Variants in CSNK1G1 observed in about 807,000 individuals in gnomAD.
CSNK1G1 encodes the protein casein kinase 1 gamma 1.
A neutral mutation model predicts 59.6 loss-of-function variants in CSNK1G1; 22 were observed. The ratio of observed to expected loss-of-function variants is 0.37; its 90% CI spans 0.26 to 0.53. CSNK1G1 has a LOEUF of 0.53. Ranked by LOEUF, CSNK1G1 falls within the 20% of genes least tolerant of loss-of-function variation. CSNK1G1 has a pLI of 0.89. For missense variants in CSNK1G1, 384 were observed against 519.5 expected (o/e 0.74, Z 2.54); for synonymous variants, 179 against 177.1 (o/e 1.01, Z -0.08).
At chr15:64,191,762 C>T (rs1410886492) in intron 10 of CSNK1G1, among the ~76,000 whole-genome samples, 2 of 152,148 alleles carry the variant, frequency 1.3e-5, no homozygotes, top group African/African-American at 4.8e-5. Context: ...ACACACTATA[C>T]CATACTACTG....
At chr15:64,350,068 T>C (rs1566957608) in intron 1 of CSNK1G1, among the ~76,000 whole-genome samples, 1 of 152,212 alleles carries the variant, frequency 6.6e-6, no homozygotes, top group Non-Finnish European at 1.5e-5. Context: ...TGTTTTAAGT[T>C]AAAAATCCTC....
In CSNK1G1 at chr15:64,356,079, TTC is replaced by T. The variant is rs1051389128; in HGVS notation, c.-318_-317del. 4.6e-5 allele frequency: 7 copies of T among 152,146 alleles called. No individual in the cohort carries two copies. The highest frequency in any genetic ancestry group is 1.2e-4 in the African/African-American group (5 of 41,404). 9.4% of individuals were successfully genotyped at this position (152,146 alleles called of 1,614,324 possible). On this transcript the variant is annotated 5_prime_UTR_variant, in exon 1 of 12. Coordinates refer to ENST00000303052, the MANE Select transcript of CSNK1G1 (RefSeq NM_022048.5). ...TTCTCTACCCACCCGCAGCGGTGGT[TTC>T]TCTCTTTCCCAGGAGCGGGAGGGAG...
Position 64,241,905 on chromosome 15 carries a change from A to C in CSNK1G1, c.292+9607T>G, listed in dbSNP as rs182620215. Among the ~76,000 whole-genome samples the C allele has an allele frequency of 1.6e-4, 25 of 152,200 alleles. No homozygotes were observed. The East Asian group carries it at 4.2e-3, about 26-fold the overall frequency. On this transcript the variant is annotated intron_variant, in intron 4 of 11. Transcript: ENST00000303052. ...ACCAAAAGTTGCAAAAGATCAATGA[A>C]ACAAAAAGTTGTTTTTTTAAAAAAA...
At position 64,300,586 on chromosome 15, in the gene CSNK1G1, T is replaced by C. The variant is rs1238303594; in HGVS notation, c.-87A>G. The C allele has an allele frequency of 1.4e-6, 2 of 1,468,628 alleles. No homozygotes were observed. Among genetic ancestry groups the C allele is most frequent in the Non-Finnish European group, 1.8e-6 (2 of 1,105,976 alleles). The allele number at this position is 1,468,628 out of a possible 1,614,324, so 91.0% of individuals were successfully genotyped here. On this transcript the variant is annotated 5_prime_UTR_variant, in exon 2 of 12. Coordinates refer to ENST00000303052, the MANE Select transcript of CSNK1G1 (RefSeq NM_022048.5). Reference sequence around the variant, plus strand: ...CAATACAAAAGTATGTCCAAATAAATTGTAGTCAGAGAAAGGTAAGGAGTT... The same window carrying C: ...CAATACAAAAGTATGTCCAAATAAACTGTAGTCAGAGAAAGGTAAGGAGTT...
At chr15:64,279,971 CAA>C (rs1226598947) in intron 2 of CSNK1G1, among the ~76,000 whole-genome samples, 2 of 91,816 alleles carry the variant, frequency 2.2e-5, no homozygotes, top group East Asian at 3.2e-4. Context: ...GACTCCATCT[CAA>C]AAAAAAAAAA....
rs1029917917 is a variant in CSNK1G1 at position 64,349,175 on chromosome 15, T to C, written c.-225+6813A>G. Among the ~76,000 whole-genome samples, 10 of 143,038 alleles carry C rather than the reference T, an allele frequency of 7.0e-5. No homozygotes were observed. In the South Asian group the frequency reaches 1.1e-3, roughly 16 times the overall value. 93.8% of individuals were successfully genotyped at this position (143,038 alleles called of 152,430 possible). On this transcript the variant is annotated intron_variant, in intron 1 of 11. Transcript: ENST00000303052. ...AAAAAAGTATCAAGACAGAAGAAAA[T>C]GTATAACTTTCATTCAGGAAGTCGT...
chr15:64,334,966 C>G (rs1897309754), intron 1 of CSNK1G1, among the ~76,000 whole-genome samples: 1 of 152,126 alleles, frequency 6.6e-6, no homozygotes, highest in Non-Finnish European at 1.5e-5. Flanking sequence ...AGCTTAGAGA[C>G]CACAATATTA....
intron 2 of CSNK1G1, among the ~76,000 whole-genome samples, chr15:64,287,782 C>T (rs956360444): frequency 2.6e-5 from 4 of 152,076 alleles, no homozygotes; most frequent in African/African-American, 9.7e-5. Flanking sequence ...CCAGAATACA[C>T]AAAAGTATGT....
chr15:64,202,264 G>C (rs993540104), intron 10 of CSNK1G1, among the ~76,000 whole-genome samples: 3 of 152,162 alleles, frequency 2.0e-5, no homozygotes, highest in Admixed American at 1.3e-4. Flanking sequence ...CAAGTCAGTT[G>C]GAAGTCCAAA....
At chr15:64,197,457 G>C (rs1324763104) in intron 10 of CSNK1G1, among the ~76,000 whole-genome samples, 1 of 152,166 alleles carries the variant, frequency 6.6e-6, no homozygotes, top group Non-Finnish European at 1.5e-5. Context: ...CCCCAACTTT[G>C]CCATCTCTAG....
At chr15:64,344,936 T>C (rs1239902503) in intron 1 of CSNK1G1, among the ~76,000 whole-genome samples, 5 of 152,188 alleles carry the variant, frequency 3.3e-5, no homozygotes, top group African/African-American at 2.4e-5. Context: ...AGCCTTCATA[T>C]TGATTGATTT....
chr15:64,306,909 T>G (rs144590510), intron 1 of CSNK1G1, among the ~76,000 whole-genome samples: 115 of 144,540 alleles, frequency 8.0e-4, no homozygotes, highest in Middle Eastern at 3.7e-3. Flanking sequence ...CATTCCAAAT[T>G]CATGACATTC....
At chr15:64,199,262 AAAAAAAAAAAG>A in intron 10 of CSNK1G1, among the ~76,000 whole-genome samples, 2 of 150,220 alleles carry the variant, frequency 1.3e-5, no homozygotes, top group South Asian at 2.2e-4. Context: ...AAAAAAAAAA[AAAAAAAAAAAG>A]AAAAAGAAAA....
rs1019965550 is a variant in CSNK1G1 at position 64,311,725 on chromosome 15, A to G, written c.-224-11002T>C. On this transcript the variant is annotated intron_variant, in intron 1 of 11. Coordinates refer to ENST00000303052, the MANE Select transcript of CSNK1G1 (RefSeq NM_022048.5). ...CCACGGGGTTTGGTAGCTCACACCT[A>G]TAAAATTAGTCAGGTGCAGTGGTGC... is the stretch of plus-strand genomic sequence containing the variant. 6.0e-5 allele frequency among the ~76,000 whole-genome samples: 9 copies of G among 150,746 alleles called. No homozygotes were observed. In the East Asian group the frequency reaches 9.7e-4, roughly 16 times the overall value.
rs1203857076 is a variant in CSNK1G1, at chr15:64,171,994, C to G, written c.1215-9G>C. 1 of 1,613,604 alleles carries G rather than the reference C, an allele frequency of 6.2e-7. No individual in the cohort carries two copies. Among genetic ancestry groups the G allele is most frequent in the East Asian group, 2.2e-5 (1 of 44,894 alleles). On this transcript the variant is annotated splice_polypyrimidine_tract_variant and intron_variant, in intron 11 of 11. Coordinates refer to ENST00000303052, the MANE Select transcript of CSNK1G1 (RefSeq NM_022048.5). This position sits in a 1 kb window ranked among gnomAD's most constrained non-coding sequence, Gnocchi z 4.8. Reference sequence around the variant, plus strand: ...TAAAGAAACAGCAGCACCTGGAGCACAAGGAACATTGCAAGTCAGTGCGGG... The same window carrying G: ...TAAAGAAACAGCAGCACCTGGAGCAGAAGGAACATTGCAAGTCAGTGCGGG...
At chr15:64,345,289 T>C (rs1244786271) in intron 1 of CSNK1G1, among the ~76,000 whole-genome samples, 2 of 152,214 alleles carry the variant, frequency 1.3e-5, no homozygotes. Context: ...TGAGACAGAA[T>C]TGAAAATATT....
At chr15:64,181,371 G>A in intron 10 of CSNK1G1, 1 of 1,535,732 alleles carries the variant, frequency 6.5e-7, no homozygotes, top group Non-Finnish European at 8.7e-7. Context: ...TGTGGGTGCT[G>A]GGAAGTGGGA....
At chr15:64,208,553 G>C (rs1237008723) in intron 6 of CSNK1G1, among the ~76,000 whole-genome samples, 4 of 152,240 alleles carry the variant, frequency 2.6e-5, no homozygotes, top group Non-Finnish European at 2.9e-5. Flanking sequence ...CTTTTTTACA[G>C]ACAGAGTCCT....
Position 64,188,395 on chromosome 15 carries a change from G to T in CSNK1G1, c.1108-7941C>A. On this transcript the variant is annotated intron_variant, in intron 10 of 11. Coordinates refer to ENST00000303052, the MANE Select transcript of CSNK1G1 (RefSeq NM_022048.5). The surrounding 1 kb of genome is among the most constrained non-coding windows in gnomAD (Gnocchi z 4.2). ...AATACCTGCACTGATCCCCCATGGC[G>T]GTCTGCAGCCAAGTGAGACGTTAGG... 6.5e-7 allele frequency: 1 copy of T among 1,536,026 alleles called. No homozygotes were observed. The highest frequency in any genetic ancestry group is 8.7e-7 in the Non-Finnish European group (1 of 1,146,836).
Sources: allele counts gnomAD v4.1 joint callset (sites outside exome capture counted in the v4.1 genomes callset), GRCh38; gene constraint gnomAD v4.1.1; non-coding constraint Gnocchi (gnomAD v3.1); transcripts MANE v1.5; gene names NCBI Gene and HGNC (gene_info 2026-07-23, HGNC 2026-07-21).